RSRC1: variants seen among roughly 807,000 people sequenced by gnomAD.
RSRC1 encodes the protein serine/Arginine-related protein 53.
A neutral mutation model predicts 49.1 loss-of-function variants in RSRC1; 39 were observed. That is an observed-to-expected ratio of 0.79 (90% CI 0.61 to 1.04). The LOEUF (loss-of-function observed/expected upper bound fraction) is 1.04. Ranked by LOEUF, RSRC1 falls within the 50% of genes least tolerant of loss-of-function variation. The pLI, the probability that RSRC1 is intolerant of heterozygous loss-of-function variation, is 0.00. For missense variants in RSRC1, 388 were observed against 402.4 expected, an observed-to-expected ratio of 0.96 and a Z score of 0.31; for synonymous variants, 143 against 130.8, an observed-to-expected ratio of 1.09 and a Z score of -0.63.
chr3:158,519,689 G>T (rs555397025), intron 7 of RSRC1, among the ~76,000 whole-genome samples: 145 of 152,196 alleles, frequency 9.5e-4, no homozygotes, highest in Non-Finnish European at 1.9e-3. Context: ...GAGTTAAGAG[G>T]CCAATTAAAA....
At chr3:158,301,065 T>G (rs1333191488) in intron 5 of RSRC1, among the ~76,000 whole-genome samples, 1 of 152,182 alleles carries the variant, frequency 6.6e-6, no homozygotes, top group African/African-American at 2.4e-5. Context: ...GACCACTGAT[T>G]CAGCCTCTCT....
intron 3 of RSRC1, among the ~76,000 whole-genome samples, chr3:158,127,198 A>G (rs1354871386): frequency 6.6e-6 from 1 of 152,128 alleles, no homozygotes; most frequent in Non-Finnish European, 1.5e-5. Flanking sequence ...GGAATTTTTT[A>G]GCCATTATGT....
At chr3:158,213,332 C>A (rs1721785512) in intron 4 of RSRC1, among the ~76,000 whole-genome samples, 1 of 151,784 alleles carries the variant, frequency 6.6e-6, no homozygotes, top group Non-Finnish European at 1.5e-5. Context: ...ATGTCGTCAA[C>A]ATATCTTAGA....
At chr3:158,147,220 T>C (rs1717195883) in intron 3 of RSRC1, among the ~76,000 whole-genome samples, 1 of 150,902 alleles carries the variant, frequency 6.6e-6, no homozygotes, top group South Asian at 2.1e-4. Flanking sequence ...GGAAATTTTC[T>C]TATATCACAT....
Position 158,365,465 on chromosome 3 carries a change from A to C in RSRC1, c.583+10557A>C, listed in dbSNP as rs184681498. Reference sequence around the variant, plus strand: ...TTTCCAGCTTCATCCATGTCCCTGCAAAGGACATGAACTCATCCTTTTTAT... The same window carrying C: ...TTTCCAGCTTCATCCATGTCCCTGCCAAGGACATGAACTCATCCTTTTTAT... On this transcript the variant is annotated intron_variant, in intron 6 of 9. Transcript: ENST00000611884. Among the ~76,000 whole-genome samples, 77 of 152,330 alleles carry C rather than the reference A, an allele frequency of 5.1e-4. 1 individual carries two copies. The East Asian group carries it at 0.013, about 26-fold the overall frequency.
intron 1 of RSRC1, among the ~76,000 whole-genome samples, chr3:158,113,303 C>T (rs1322117152): frequency 2.0e-5 from 3 of 152,090 alleles, no homozygotes; most frequent in Non-Finnish European, 4.4e-5. Flanking sequence ...TTTACATTCT[C>T]ACCAACAGTT....
intron 6 of RSRC1, among the ~76,000 whole-genome samples, chr3:158,443,377 C>G (rs147575813): frequency 2.6e-5 from 4 of 152,190 alleles, no homozygotes; most frequent in African/African-American, 4.8e-5. Context: ...CTTGCAGCAG[C>G]CTTTCCATCA....
intron 5 of RSRC1, among the ~76,000 whole-genome samples, chr3:158,320,442 C>T (rs1728697028): frequency 6.6e-6 from 1 of 152,092 alleles, no homozygotes; most frequent in African/African-American, 2.4e-5. Context: ...TTTATCTACA[C>T]ATTGTAGGAA....
intron 3 of RSRC1, among the ~76,000 whole-genome samples, chr3:158,161,176 G>T (rs902286479): frequency 2.0e-5 from 3 of 152,100 alleles, no homozygotes; most frequent in African/African-American, 7.2e-5. Flanking sequence ...CACACAAAAA[G>T]TATTTATTGC....
At chr3:158,241,075 CAT>C (rs779934473) in intron 4 of RSRC1, among the ~76,000 whole-genome samples, 7 of 152,186 alleles carry the variant, frequency 4.6e-5, no homozygotes, top group Admixed American at 2.0e-4. Context: ...TAGGAAAAGA[CAT>C]AGTAATATGT....
chr3:158,125,132 A>G (rs1293040903), intron 3 of RSRC1, among the ~76,000 whole-genome samples: 2 of 151,762 alleles, frequency 1.3e-5, no homozygotes, highest in African/African-American at 4.8e-5. Flanking sequence ...TTTTTTCTTA[A>G]TCTAACTAAG....
intron 4 of RSRC1, among the ~76,000 whole-genome samples, chr3:158,216,667 A>G (rs562312301): frequency 6.6e-6 from 1 of 151,756 alleles, no homozygotes. Flanking sequence ...ATAGTTCTTT[A>G]GAAAAAGGGT....
chr3:158,442,838 G>A (rs1238364687), intron 6 of RSRC1, among the ~76,000 whole-genome samples: 1 of 152,082 alleles, frequency 6.6e-6, no homozygotes, highest in Non-Finnish European at 1.5e-5. Context: ...AGACTTGGAA[G>A]TCAATTTTTC....
At chr3:158,252,629 TTCTC>T (rs1446898342) in intron 4 of RSRC1, among the ~76,000 whole-genome samples, 2 of 152,236 alleles carry the variant, frequency 1.3e-5, no homozygotes, top group Non-Finnish European at 2.9e-5. Flanking sequence ...TATTCCTTCT[TTCTC>T]TAGTTTTTGG....
intron 6 of RSRC1, among the ~76,000 whole-genome samples, chr3:158,448,880 C>T (rs1025974485): frequency 1.6e-4 from 25 of 151,902 alleles, no homozygotes; most frequent in African/African-American, 5.5e-4. Context: ...AAGGAAAAAG[C>T]TTTTACTTTT....
At chr3:158,362,394 C>A (rs1731527413) in intron 6 of RSRC1, among the ~76,000 whole-genome samples, 1 of 152,112 alleles carries the variant, frequency 6.6e-6, no homozygotes, top group Admixed American at 6.5e-5. Context: ...GCAGTTTTAA[C>A]AATACCTATA....
At chr3:158,530,693 G>C (rs1423195430) in intron 7 of RSRC1, among the ~76,000 whole-genome samples, 1 of 151,602 alleles carries the variant, frequency 6.6e-6, no homozygotes, top group East Asian at 2.0e-4. Flanking sequence ...CCATAGATGA[G>C]AAAATGGAGA....
chr3:158,116,598 C>T (rs985416103), intron 1 of RSRC1, among the ~76,000 whole-genome samples: 1 of 151,882 alleles, frequency 6.6e-6, no homozygotes, highest in African/African-American at 2.4e-5. Context: ...TAATTTGGTG[C>T]CTCTGCCTTG....
chr3:158,128,467 A>G lies in RSRC1; in HGVS notation c.320+4476A>G, dbSNP rs73164076. Among the ~76,000 whole-genome samples, 963 of 152,274 alleles carry G rather than the reference A, an allele frequency of 6.3e-3. 10 individuals carry two copies. Among genetic ancestry groups the G allele is most frequent in the Middle Eastern group, 0.041 (12 of 294 alleles). ...GAGGGCTGGGATTTCCTATACTGCC[A>G]TCTTGCCATCATCATTCTCAAGTTA... On this transcript the variant is annotated intron_variant, in intron 3 of 9. Transcript: ENST00000611884.
Sources: gnomAD v4.1 joint callset for allele counts (sites outside exome capture counted in the v4.1 genomes callset) on GRCh38, gnomAD v4.1.1 for gene constraint, MANE v1.5 for transcripts, NCBI Gene and HGNC (gene_info 2026-07-23, HGNC 2026-07-21) for gene names.